Variants in CAMSAP1 observed in about 807,000 individuals in gnomAD.
The protein encoded by CAMSAP1 is calmodulin-regulated spectrin-associated protein 1.
In CAMSAP1, 58 loss-of-function variants were observed where a neutral mutation model predicts 143.5. The observed-to-expected ratio is 0.40, with a 90% CI of 0.33 to 0.50. The LOEUF is 0.50. Ranked by LOEUF, CAMSAP1 falls within the 20% of genes least tolerant of loss-of-function variation. CAMSAP1 has a pLI of 0.45. For synonymous variants in CAMSAP1, 945 were observed against 859.3 expected (o/e 1.10, Z -1.74); for missense variants, 1,969 against 2,115.7 (o/e 0.93, Z 1.36).
At position 135,864,204 on chromosome 9, in the gene CAMSAP1, C is replaced by T. The variant is rs190165829; in HGVS notation, c.667-1596G>A. ...CATGTTTCTGTTTTTATAAAACTCT[C>T]ATGTGACCTCACTTCCTGCAGGACA... On this transcript the variant is annotated intron_variant, in intron 4 of 16. Transcript: ENST00000389532. 2.7e-3 allele frequency among the ~76,000 whole-genome samples: 406 copies of T among 152,358 alleles called. 2 individuals carry two copies. The highest frequency in any genetic ancestry group is 9.2e-3 in the African/African-American group (381 of 41,584).
In CAMSAP1 at chr9:135,821,098, G is replaced by A; in HGVS notation, c.3563C>T (p.Ala1188Val). ...GCTCATCTGCTCCGAAAGAATGTTG[G>A]CATCTTTGGAAGAGGACAGAGTAAG... is the stretch of plus-strand genomic sequence containing the variant. The part of the protein sequence containing the change: ...RTLTLSSSKD[A>V]NILSEQMSLK... Residue 1188 changes from alanine (A) to valine (V), a missense_variant, in exon 11 of 17, where the codon GCC becomes GTC. Coordinates refer to ENST00000389532, the MANE Select transcript of CAMSAP1 (RefSeq NM_015447.4). The surrounding 1 kb of genome is among the most constrained non-coding windows in gnomAD (Gnocchi z 4.6). 1 of 1,613,850 alleles carries A rather than the reference G, an allele frequency of 6.2e-7. No individual in the cohort carries two copies. Among genetic ancestry groups the A allele is most frequent in the Non-Finnish European group, 8.5e-7 (1 of 1,179,908 alleles).
chr9:135,814,469 C>T (rs1242552600), intron 16 of CAMSAP1, among the ~76,000 whole-genome samples: 2 of 152,220 alleles, frequency 1.3e-5, no homozygotes, highest in African/African-American at 2.4e-5. Context: ...CCTCCTCTCC[C>T]CTGGAATCCC....
intron 1 of CAMSAP1, among the ~76,000 whole-genome samples, chr9:135,886,451 C>T (rs1049167045): frequency 1.3e-5 from 2 of 151,964 alleles, no homozygotes; most frequent in Admixed American, 1.3e-4. Context: ...TGGGTAGGAG[C>T]GAGAGGAAAA....
intron 1 of CAMSAP1, among the ~76,000 whole-genome samples, chr9:135,903,140 G>A (rs73561648): frequency 0.018 from 2,752 of 151,268 alleles, 92 homozygotes; most frequent in African/African-American, 0.064. Context: ...CGAGATCAAC[G>A]CCAGGACTGC....
chr9:135,816,787 G>C (rs761777060), intron 14 of CAMSAP1, among the ~76,000 whole-genome samples: 1 of 152,114 alleles, frequency 6.6e-6, no homozygotes. Flanking sequence ...CATGGGCAAG[G>C]GAAGCCCTTG....
At chr9:135,887,914 C>A (rs1588505718) in intron 1 of CAMSAP1, among the ~76,000 whole-genome samples, 1 of 152,222 alleles carries the variant, frequency 6.6e-6, no homozygotes, top group African/African-American at 2.4e-5. Flanking sequence ...GCAGTGGCTG[C>A]TGGACTGCTG....
At chr9:135,833,506 T>C (rs1029875250) in intron 7 of CAMSAP1, among the ~76,000 whole-genome samples, 1 of 152,142 alleles carries the variant, frequency 6.6e-6, no homozygotes, top group Non-Finnish European at 1.5e-5. Context: ...TGAAACAGAA[T>C]TGAGGTATAC....
chr9:135,833,572 C>A (rs1245454215), intron 7 of CAMSAP1, among the ~76,000 whole-genome samples: 1 of 152,094 alleles, frequency 6.6e-6, no homozygotes, highest in Non-Finnish European at 1.5e-5. Flanking sequence ...AAGGATAGTA[C>A]CTTCAATAAA....
At chr9:135,874,482 G>GT (rs1301063097) in intron 3 of CAMSAP1, among the ~76,000 whole-genome samples, 1 of 150,200 alleles carries the variant, frequency 6.7e-6, no homozygotes, top group Non-Finnish European at 1.5e-5. Flanking sequence ...CAAAAAAGGG[G>GT]GGGGGGGGCC....
At chr9:135,843,790 C>T (rs770776677) in intron 7 of CAMSAP1, among the ~76,000 whole-genome samples, 12 of 144,076 alleles carry the variant, frequency 8.3e-5, no homozygotes, top group Admixed American at 2.9e-4. Flanking sequence ...AGGACAATGG[C>T]GTGAACCTGG....
At chr9:135,854,000 A>C (rs1302301516) in intron 5 of CAMSAP1, among the ~76,000 whole-genome samples, 1 of 152,272 alleles carries the variant, frequency 6.6e-6, no homozygotes, top group Non-Finnish European at 1.5e-5. Flanking sequence ...TTCAATCCAT[A>C]CTAACATGGA....
intron 16 of CAMSAP1, among the ~76,000 whole-genome samples, chr9:135,813,292 A>T (rs1190198813): frequency 6.6e-6 from 1 of 152,244 alleles, no homozygotes; most frequent in East Asian, 1.9e-4. Flanking sequence ...AGCGGCTGAG[A>T]TGCCAGCCCT....
intron 5 of CAMSAP1, among the ~76,000 whole-genome samples, chr9:135,857,645 C>T (rs755823348): frequency 6.6e-6 from 1 of 152,208 alleles, no homozygotes; most frequent in Non-Finnish European, 1.5e-5. Flanking sequence ...TGGCTTTCCT[C>T]AAATGTCAGG....
intron 7 of CAMSAP1, among the ~76,000 whole-genome samples, chr9:135,839,960 G>A (rs1020144540): frequency 7.2e-5 from 11 of 152,218 alleles, no homozygotes; most frequent in Admixed American, 2.0e-4. Context: ...ACATGAAGCA[G>A]CCAGAGGTAG....
intron 5 of CAMSAP1, among the ~76,000 whole-genome samples, chr9:135,861,462 G>A (rs369890903): frequency 1.4e-4 from 22 of 152,036 alleles, no homozygotes; most frequent in South Asian, 4.2e-4. Context: ...ACAGGCACGC[G>A]CCACCACACC....
intron 4 of CAMSAP1, among the ~76,000 whole-genome samples, chr9:135,866,187 T>A (rs1374013891): frequency 1.3e-5 from 2 of 152,194 alleles, no homozygotes; most frequent in African/African-American, 2.4e-5. Context: ...CCTACGTCCC[T>A]CACTCAAGCT....
In CAMSAP1 at chr9:135,821,499, T is replaced by G. The variant is rs1452740853; in HGVS notation, c.3162A>C (p.Thr1054=). ...QQEQLLMKSP[T]VPVPGSKNNS... ...TATTCTTAGAGCCTGGCACTGGGAC[T>G]GTGGGGGACTTCATCAGAAGCTGCT... The change falls in exon 11 of 17, where the codon ACA becomes ACC. Residue 1054 remains threonine (T), a synonymous_variant. Transcript: ENST00000389532. The surrounding 1 kb of genome is among the most constrained non-coding windows in gnomAD (Gnocchi z 4.6). 6.2e-7 allele frequency: 1 copy of G among 1,614,068 alleles called. No homozygotes were observed. The highest frequency in any genetic ancestry group is 8.5e-7 in the Non-Finnish European group (1 of 1,179,902).
At chr9:135,812,873 T>C (rs1272303717) in intron 16 of CAMSAP1, among the ~76,000 whole-genome samples, 5 of 151,672 alleles carry the variant, frequency 3.3e-5, no homozygotes, top group African/African-American at 4.9e-5. Flanking sequence ...GAGAATCGCT[T>C]GAGTCTGGAG....
In CAMSAP1 at chr9:135,827,317, A is replaced by T. The variant is rs562432441; in HGVS notation, c.1223+90T>A. 4 of 1,268,038 alleles carry T rather than the reference A, an allele frequency of 3.2e-6. No homozygotes were observed. The Admixed American group carries it at 9.6e-5, about 30-fold the overall frequency. 78.5% of individuals were successfully genotyped at this position (1,268,038 alleles called of 1,614,324 possible). On this transcript the variant is annotated intron_variant, in intron 8 of 16. Transcript: ENST00000389532. Reference sequence around the variant, plus strand: ...TAAGCGAATACAAATTGCTTATTTTAAAAAAGGTAACTTCAATTAATATTT... The same window carrying T: ...TAAGCGAATACAAATTGCTTATTTTTAAAAAGGTAACTTCAATTAATATTT...
Sources: allele counts gnomAD v4.1 joint callset (sites outside exome capture counted in the v4.1 genomes callset), GRCh38; gene constraint gnomAD v4.1.1; non-coding constraint Gnocchi (gnomAD v3.1); transcripts MANE v1.5; gene names NCBI Gene and HGNC (gene_info 2026-07-23, HGNC 2026-07-21).